Variants in DNASE1L3 observed in about 807,000 individuals in gnomAD.
DNASE1L3 encodes the protein deoxyribonuclease gamma.
A neutral mutation model predicts 30.9 loss-of-function variants in DNASE1L3; 27 were observed. The observed-to-expected ratio is 0.87, with a 90% CI of 0.64 to 1.20. The LOEUF (loss-of-function observed/expected upper bound fraction) is 1.20. DNASE1L3 is among the 50% of genes most tolerant of loss of function. The pLI, the probability that DNASE1L3 is intolerant of heterozygous loss-of-function variation, is 0.00. For synonymous variants in DNASE1L3, 135 were observed against 138.0 expected, an observed-to-expected ratio of 0.98 and a Z score of 0.15; for missense variants, 364 against 378.2, an observed-to-expected ratio of 0.96 and a Z score of 0.31.
chr3:58,201,534 A>G (rs1439361531), intron 4 of DNASE1L3, among the ~76,000 whole-genome samples: 2 of 152,230 alleles, frequency 1.3e-5, no homozygotes, highest in Non-Finnish European at 2.9e-5. Context: ...GCTCACAGGC[A>G]CATAGTACAT....
rs766912371 is a variant in DNASE1L3, at chr3:58,205,463, ATACT to A, written c.320+4_320+7del. 1.1e-5 allele frequency: 18 copies of A among 1,610,932 alleles called. No individual in the cohort carries two copies. Among genetic ancestry groups the A allele is most frequent in the Admixed American group, 1.7e-5 (1 of 60,016 alleles). On this transcript the variant is annotated splice_donor_5th_base_variant and intron_variant, in intron 3 of 7. Transcript: ENST00000394549. ...GGCCATGTTCCAGGGAGCATAGGTG[ATACT>A]TACTTGTAGAGAAAGGCATATTGTT...
At chr3:58,203,764 C>T (rs1376889227) in intron 4 of DNASE1L3, among the ~76,000 whole-genome samples, 1 of 151,986 alleles carries the variant, frequency 6.6e-6, no homozygotes, top group East Asian at 1.9e-4. Context: ...CATGCCACTG[C>T]ATTCCAGACT....
intron 6 of DNASE1L3, among the ~76,000 whole-genome samples, chr3:58,196,578 C>T (rs976513653): frequency 2.3e-5 from 3 of 128,698 alleles, no homozygotes; most frequent in Non-Finnish European, 5.0e-5. Context: ...AAAAAAAAAA[C>T]TCCGAGAGGA....
At chr3:58,205,635 T>A in intron 2 of DNASE1L3, 75 bp from the exon 3 acceptor site, 1 of 1,294,914 alleles carries the variant, frequency 7.7e-7, no homozygotes, top group Non-Finnish European at 1.1e-6. Context: ...TTCTTTCCAA[T>A]CTGCCTCCAT....
intron 1 of DNASE1L3, among the ~76,000 whole-genome samples, chr3:58,210,242 GAA>G (rs796125861): frequency 3.3e-4 from 25 of 75,884 alleles, no homozygotes; most frequent in African/African-American, 2.0e-3. Context: ...AAGGAAGAAA[GAA>G]AAAGAAAGAA....
intron 4 of DNASE1L3, among the ~76,000 whole-genome samples, chr3:58,203,335 C>A (rs1319820545): frequency 6.6e-6 from 1 of 152,208 alleles, no homozygotes; most frequent in Non-Finnish European, 1.5e-5. Flanking sequence ...CTCACTGTGC[C>A]CTCCATGTGG....
rs1035550982 is a variant in DNASE1L3 at position 58,200,130 on chromosome 3, G to GC, written c.546+866dup. Among the ~76,000 whole-genome samples the GC allele has an allele frequency of 6.6e-6, 1 of 152,146 alleles. No individual in the cohort carries two copies. The highest frequency in any genetic ancestry group is 2.4e-5 in the African/African-American group (1 of 41,430). ...GAGCCTATAGGGATGGCAAATATGT[G>GC]CCCCCTTCTGTGAAAACAGCACCCC... On this transcript the variant is annotated intron_variant, in intron 5 of 7. Transcript: ENST00000394549. This position sits in a 1 kb window ranked among gnomAD's most constrained non-coding sequence, Gnocchi z 4.2.
intron 5 of DNASE1L3, among the ~76,000 whole-genome samples, chr3:58,199,140 G>T (rs1221200217): frequency 6.6e-6 from 1 of 152,220 alleles, no homozygotes; most frequent in African/African-American, 2.4e-5. Flanking sequence ...GATGGGTTCA[G>T]TTGAGGACAG....
At chr3:58,209,374 C>T (rs1169975796) in intron 1 of DNASE1L3, among the ~76,000 whole-genome samples, 1 of 152,230 alleles carries the variant, frequency 6.6e-6, no homozygotes, top group Non-Finnish European at 1.5e-5. Context: ...GAGATGGGAA[C>T]TCAGTGGCTA....
In DNASE1L3 at chr3:58,210,918, T is replaced by C. The variant is rs374763848; in HGVS notation, c.-12A>G. The C allele has an allele frequency of 8.1e-5, 131 of 1,613,224 alleles. No individual in the cohort carries two copies. The African/African-American group carries it at 1.6e-3, about 19-fold the overall frequency. ...AGCTCCCGTGACATCCTGGCGCTGC[T>C]CTGGCTTCAAGACTCTGTGAGAAGA... On this transcript the variant is annotated 5_prime_UTR_variant, in exon 1 of 8. Transcript: ENST00000394549.
At chr3:58,210,560 C>A (rs762214704) in intron 1 of DNASE1L3, among the ~76,000 whole-genome samples, 17 of 152,226 alleles carry the variant, frequency 1.1e-4, no homozygotes, top group Non-Finnish European at 2.1e-4. Flanking sequence ...GTAGTCCCCC[C>A]AGCAACCCTG....
chr3:58,196,758 T>C (rs1325856236), intron 6 of DNASE1L3, among the ~76,000 whole-genome samples: 2 of 151,794 alleles, frequency 1.3e-5, no homozygotes, highest in Non-Finnish European at 2.9e-5. Flanking sequence ...CCTCAGGCAC[T>C]CCCCCCTCTG....
chr3:58,208,383 T>A, intron 1 of DNASE1L3, 77 bp from the exon 2 acceptor site: 1 of 1,427,590 alleles, frequency 7.0e-7, no homozygotes, highest in Non-Finnish European at 9.9e-7. Context: ...ACACTTACTG[T>A]TTTTAAGTAT....
intron 5 of DNASE1L3, among the ~76,000 whole-genome samples, chr3:58,199,117 T>A (rs1458195472): frequency 1.3e-5 from 2 of 152,194 alleles, no homozygotes; most frequent in Non-Finnish European, 2.9e-5. Context: ...TGATCACAAT[T>A]TTCCCCATGA....
In DNASE1L3 at chr3:58,207,765, G is replaced by A. The variant is rs533476667; in HGVS notation, c.230+453C>T. 55 of 161,792 alleles carry A rather than the reference G, an allele frequency of 3.4e-4. 1 individual carries two copies. The South Asian group carries it at 9.1e-3, about 27-fold the overall frequency. The allele number at this position is 161,792 out of a possible 1,614,324, so 10.0% of individuals were successfully genotyped here. A position where few individuals can be genotyped will look rare whatever the true frequency, so the allele number is the denominator to read the frequency against. ...TAGCCTAAACCTCATGGGCTCAAGC[G>A]ATCCTCCCACCTCAGCCTCCCAGGT... is the stretch of plus-strand genomic sequence containing the variant. On this transcript the variant is annotated intron_variant, in intron 2 of 7. Coordinates refer to ENST00000394549, the MANE Select transcript of DNASE1L3 (RefSeq NM_004944.4).
Position 58,197,118 on chromosome 3 carries a change from G to A in DNASE1L3, c.704+703C>T, listed in dbSNP as rs958396771. Among the ~76,000 whole-genome samples the A allele has an allele frequency of 1.5e-4, 23 of 152,312 alleles. No individual in the cohort carries two copies. The highest frequency in any genetic ancestry group is 3.9e-4 in the African/African-American group (16 of 41,552). On this transcript the variant is annotated intron_variant, in intron 6 of 7. Coordinates refer to ENST00000394549, the MANE Select transcript of DNASE1L3 (RefSeq NM_004944.4). This position sits in a 1 kb window ranked among gnomAD's most constrained non-coding sequence, Gnocchi z 5.3. ...CCCATGAATGTAATGAGCACTTGCCGTATGCCAGGCATTGTGCTAGCAGCC... is the reference window on the plus strand; with the variant it reads ...CCCATGAATGTAATGAGCACTTGCCATATGCCAGGCATTGTGCTAGCAGCC...
intron 6 of DNASE1L3, among the ~76,000 whole-genome samples, chr3:58,194,910 G>A (rs1377414865): frequency 1.3e-5 from 2 of 152,162 alleles, no homozygotes; most frequent in African/African-American, 4.8e-5. Context: ...TTACAGGTGT[G>A]AGCCACCACG....
intron 6 of DNASE1L3, among the ~76,000 whole-genome samples, chr3:58,195,117 G>C (rs1474894617): frequency 6.6e-6 from 1 of 152,220 alleles, no homozygotes; most frequent in Non-Finnish European, 1.5e-5. Flanking sequence ...GCACCAGCCA[G>C]ATCCTGGGCA....
intron 6 of DNASE1L3, among the ~76,000 whole-genome samples, chr3:58,195,216 G>A (rs1398535889): frequency 1.3e-5 from 2 of 152,160 alleles, no homozygotes; most frequent in Non-Finnish European, 2.9e-5. Flanking sequence ...AGACCATCTT[G>A]TCTAATTACA....
Sources: allele counts gnomAD v4.1 joint callset (sites outside exome capture counted in the v4.1 genomes callset), GRCh38; gene constraint gnomAD v4.1.1; non-coding constraint Gnocchi (gnomAD v3.1); transcripts MANE v1.5; gene names NCBI Gene and HGNC (gene_info 2026-07-23, HGNC 2026-07-21).